Variants in ZZEF1 observed in about 807,000 individuals in gnomAD.
ZZEF1 encodes the protein zinc finger ZZ-type and EF-hand domain-containing protein 1.
Under a neutral mutation model 342.8 loss-of-function variants are expected in ZZEF1, and 157 were observed. The ratio of observed to expected loss-of-function variants is 0.46; its 90% CI spans 0.40 to 0.52. The LOEUF (loss-of-function observed/expected upper bound fraction) is 0.52. Ranked by LOEUF, ZZEF1 falls within the 20% of genes least tolerant of loss-of-function variation. ZZEF1 has a pLI of 0.00. For synonymous variants in ZZEF1, 1,505 were observed against 1,429.1 expected (o/e 1.05, Z -1.20); for missense variants, 3,480 against 3,725.6 (o/e 0.93, Z 1.72).
At chr17:4,076,026 C>T (rs1312020087) in intron 21 of ZZEF1, 2 of 152,186 alleles carry the variant, frequency 1.3e-5, no homozygotes, top group African/African-American at 2.4e-5. Context: ...TTTCAACATA[C>T]ATTTTCTCTT....
intron 37 of ZZEF1, among the ~76,000 whole-genome samples, chr17:4,044,774 C>CT (rs772495219): frequency 1.3e-5 from 2 of 152,072 alleles, no homozygotes; most frequent in Non-Finnish European, 2.9e-5. Context: ...ACCTCGTCCT[C>CT]TTTAAGTGCT....
rs181338488 is a variant in ZZEF1, at chr17:4,079,022, A to G, written c.2830-980T>C. Among the ~76,000 whole-genome samples the G allele has an allele frequency of 3.3e-5, 5 of 152,346 alleles. No individual in the cohort carries two copies. In the East Asian group the frequency reaches 7.7e-4, roughly 23 times the overall value. Reference sequence around the variant, plus strand: ...TGATATCTGTAACTTCTTTTGTACCACAGGTAAGTGAAAGAGAAGAAAAGA... The same window carrying G: ...TGATATCTGTAACTTCTTTTGTACCGCAGGTAAGTGAAAGAGAAGAAAAGA... On this transcript the variant is annotated intron_variant, in intron 18 of 54. Coordinates refer to ENST00000381638, the MANE Select transcript of ZZEF1 (RefSeq NM_015113.4).
chr17:4,026,416 A>G (rs1408341390), intron 42 of ZZEF1, among the ~76,000 whole-genome samples: 1 of 152,268 alleles, frequency 6.6e-6, no homozygotes, highest in Non-Finnish European at 1.5e-5. Flanking sequence ...AAATATAGCC[A>G]GAGGAAAAAG....
At chr17:4,044,171 A>G in intron 38 of ZZEF1, 53 bp downstream of exon 38, 2 of 1,591,650 alleles carry the variant, frequency 1.3e-6, no homozygotes, top group South Asian at 1.1e-5. Context: ...AGGGATGGGT[A>G]TATGTGCATT....
chr17:4,125,058 T>A (rs2058552465), intron 1 of ZZEF1, among the ~76,000 whole-genome samples: 1 of 152,194 alleles, frequency 6.6e-6, no homozygotes, highest in Non-Finnish European at 1.5e-5. Flanking sequence ...CCCAGTACAG[T>A]GAAAAGCACA....
Position 4,072,705 on chromosome 17 carries a change from C to G in ZZEF1, c.3737G>C (p.Ser1246Thr). The part of the protein sequence containing the change: ...VPQAKMALVL[S>T]SPLWKPVFRH... ...GAAGACAGGTTTCCACAGTGGGGAG[C>G]TTAGGACTAATGCCATTTTTGCCTG... Residue 1246 changes from serine (S) to threonine (T), a missense_variant, in exon 25 of 55, where the codon AGC (serine) becomes ACC (threonine). Physicochemically the swap from Ser to Thr is moderately conservative, Grantham distance 58. Around this residue, in one of 5 missense-constraint regions of ZZEF1, gnomAD observed 1,528 missense variants for 1,624.1 expected, o/e 0.94. Transcript: ENST00000381638. 1 of 1,613,926 alleles carries G rather than the reference C, an allele frequency of 6.2e-7. No homozygotes were observed. The highest frequency in any genetic ancestry group is 1.1e-5 in the South Asian group (1 of 91,056).
intron 2 of ZZEF1, among the ~76,000 whole-genome samples, chr17:4,123,622 GAATGA>G (rs2058525784): frequency 6.6e-6 from 1 of 152,072 alleles, no homozygotes; most frequent in Non-Finnish European, 1.5e-5. Context: ...GATGCTAAGA[GAATGA>G]ACAGTGAAGG....
chr17:4,066,366 TAGA>T, intron 28 of ZZEF1, 78 bp downstream of exon 28: 1 of 1,208,056 alleles, frequency 8.3e-7, no homozygotes, highest in East Asian at 2.3e-5. Context: ...TAAGATAATC[TAGA>T]AGGTGAGTAA....
chr17:4,017,303 A>G lies in ZZEF1; in HGVS notation c.8001+68T>C. The stretch of plus-strand genomic sequence containing the variant: ...GGTAGCCTCGCTCCAGGAAGCACTC[A>G]CTGGAGGAAGCCTGTGGGGCAGAGG... On this transcript the variant is annotated intron_variant, in intron 48 of 54. Coordinates refer to ENST00000381638, the MANE Select transcript of ZZEF1 (RefSeq NM_015113.4). The surrounding 1 kb of genome is among the most constrained non-coding windows in gnomAD (Gnocchi z 5.1). 3 of 1,529,506 alleles carry G rather than the reference A, an allele frequency of 2.0e-6. No homozygotes were observed. The highest frequency in any genetic ancestry group is 2.6e-6 in the Non-Finnish European group (3 of 1,138,912). 94.7% of individuals were successfully genotyped at this position (1,529,506 alleles called of 1,614,324 possible).
intron 5 of ZZEF1, among the ~76,000 whole-genome samples, chr17:4,111,608 G>T (rs1241239129): frequency 6.8e-6 from 1 of 147,050 alleles, no homozygotes; most frequent in Non-Finnish European, 1.5e-5. Context: ...GCAGTGAGCT[G>T]AGACTGCACC....
chr17:4,038,350 T>C (rs996488205), intron 39 of ZZEF1, among the ~76,000 whole-genome samples: 12 of 152,228 alleles, frequency 7.9e-5, no homozygotes, highest in Admixed American at 6.5e-4. Context: ...CATAGTATTG[T>C]CTGGAGTAAT....
chr17:4,109,546 T>C (rs1309981690), intron 6 of ZZEF1, 107 bp downstream of exon 6: 2 of 1,237,736 alleles, frequency 1.6e-6, no homozygotes, highest in Non-Finnish European at 2.3e-6. Context: ...CCGAGCTGAC[T>C]GAGCCACAAC....
At chr17:4,036,873 G>A (rs964747149) in intron 39 of ZZEF1, among the ~76,000 whole-genome samples, 1 of 149,178 alleles carries the variant, frequency 6.7e-6, no homozygotes, top group Non-Finnish European at 1.5e-5. Flanking sequence ...GCACTGGGAA[G>A]ACTGGGGAGC....
intron 9 of ZZEF1, among the ~76,000 whole-genome samples, chr17:4,098,083 A>T: frequency 6.6e-6 from 1 of 151,956 alleles, no homozygotes; most frequent in Non-Finnish European, 1.5e-5. Flanking sequence ...TACTAAAAAC[A>T]CAAAATTCGC....
chr17:4,013,484 G>A lies in ZZEF1; in HGVS notation c.8544C>T (p.His2848=), dbSNP rs759136163. The change falls in exon 52 of 55, where the codon CAC becomes CAT. Residue 2848 remains histidine (H), a synonymous_variant. Transcript: ENST00000381638. ...AGCATCGCACAATCCTCAGAAGTAA[G>A]TGGATGGCTTTTAATCGTTGATGGC... The part of the protein sequence containing the change: ...QTGHQRLKAI[H]LLLRIVRCCG... 6 of 1,613,360 alleles carry A rather than the reference G, an allele frequency of 3.7e-6. 1 individual carries two copies. Among genetic ancestry groups the A allele is most frequent in the South Asian group, 2.2e-5 (2 of 90,976 alleles).
intron 21 of ZZEF1, chr17:4,076,178 C>CG (rs2057613942): frequency 7.3e-6 from 1 of 137,720 alleles, no homozygotes; most frequent in Admixed American, 7.8e-5. Context: ...GTGGCCCAGG[C>CG]GGGAGTGCAG....
At chr17:4,070,985 G>C (rs2057498015) in intron 25 of ZZEF1, 61 bp from the exon 26 acceptor site, 1 of 1,572,328 alleles carries the variant, frequency 6.4e-7, no homozygotes, top group African/African-American at 1.4e-5. Context: ...AAAATTTATT[G>C]AGCAAACTAT....
chr17:4,006,668 T>C lies in ZZEF1; in HGVS notation c.*222A>G, dbSNP rs1451578104. On this transcript the variant is annotated 3_prime_UTR_variant, in exon 55 of 55. Coordinates refer to ENST00000381638, the MANE Select transcript of ZZEF1 (RefSeq NM_015113.4). ...CCCCCTGCCCACCCTTTCTGAGGCA[T>C]TCTGCACTGCTTGGCTTATTTTCAC... The C allele has an allele frequency of 5.0e-6, 3 of 605,522 alleles. No homozygotes were observed. Among genetic ancestry groups the C allele is most frequent in the East Asian group, 5.8e-5 (2 of 34,434 alleles). 37.5% of individuals were successfully genotyped at this position (605,522 alleles called of 1,614,324 possible). A position where few individuals can be genotyped will look rare whatever the true frequency, so the allele number is the denominator to read the frequency against.
chr17:4,112,092 ATGTTT>A (rs370477634), intron 5 of ZZEF1, among the ~76,000 whole-genome samples: 2,538 of 42,898 alleles, frequency 0.059, 156 homozygotes, highest in Non-Finnish European at 0.072. Flanking sequence ...ATATATATAT[ATGTTT>A]TGTTTTGTTT....
Sources: gnomAD v4.1 joint callset for allele counts (sites outside exome capture counted in the v4.1 genomes callset) on GRCh38, gnomAD v4.1.1 for gene constraint, gnomAD v4.1.1 regional missense constraint, Gnocchi (gnomAD v3.1) non-coding constraint, MANE v1.5 for transcripts, NCBI Gene and HGNC (gene_info 2026-07-23, HGNC 2026-07-21) for gene names.